Variants in LRRTM3 observed in about 807,000 individuals in gnomAD.
The protein encoded by LRRTM3 is leucine-rich repeat transmembrane neuronal protein 3.
A neutral mutation model predicts 44.7 loss-of-function variants in LRRTM3; 24 were observed. The ratio of observed to expected loss-of-function variants is 0.54; its 90% CI spans 0.39 to 0.76. LRRTM3 has a LOEUF of 0.76. Ranked by LOEUF, LRRTM3 falls within the 30% of genes least tolerant of loss-of-function variation. LRRTM3 has a pLI of 0.00. For synonymous variants in LRRTM3, 277 were observed against 278.7 expected (o/e 0.99, Z 0.06); for missense variants, 587 against 702.2 (o/e 0.84, Z 1.85).
chr10:67,077,709 T>G (rs1856809162), intron 2 of LRRTM3, among the ~76,000 whole-genome samples: 1 of 152,188 alleles, frequency 6.6e-6, no homozygotes, highest in Non-Finnish European at 1.5e-5. Context: ...TTGTTTAATG[T>G]GTATCCCCTT....
intron 2 of LRRTM3, among the ~76,000 whole-genome samples, chr10:67,035,963 CTTTTT>C (rs1027706976): frequency 6.6e-6 from 1 of 152,020 alleles, no homozygotes; most frequent in African/African-American, 2.4e-5. Flanking sequence ...TCTTGCTTTT[CTTTTT>C]TGACAAAAAC....
At chr10:67,051,998 G>A (rs147220518) in intron 2 of LRRTM3, among the ~76,000 whole-genome samples, 3,569 of 151,798 alleles carry the variant, frequency 0.024, 145 homozygotes, top group African/African-American at 0.08. Context: ...CAGGTGACCC[G>A]CCCACCTCAG....
chr10:67,042,716 G>T lies in LRRTM3; in HGVS notation c.1537-54871G>T, dbSNP rs575953090. ...AGGAAAAAAAAGAGGTGGTCAGCAA[G>T]TTTGATTGTCATAGAAAAAGAAGGA... is the stretch of plus-strand genomic sequence containing the variant. On this transcript the variant is annotated intron_variant, in intron 2 of 2. Transcript: ENST00000361320. Among the ~76,000 whole-genome samples, 5 of 152,190 alleles carry T rather than the reference G, an allele frequency of 3.3e-5. No homozygotes were observed. In the East Asian group the frequency reaches 9.7e-4, roughly 29 times the overall value.
chr10:67,009,457 C>T (rs1358877984), intron 2 of LRRTM3, among the ~76,000 whole-genome samples: 1 of 152,040 alleles, frequency 6.6e-6, no homozygotes, highest in African/African-American at 2.4e-5. Flanking sequence ...TCCTGATATA[C>T]ATAACCTCTT....
intron 2 of LRRTM3, among the ~76,000 whole-genome samples, chr10:66,944,956 T>C (rs1482414578): frequency 1.3e-5 from 2 of 152,168 alleles, no homozygotes; most frequent in South Asian, 2.1e-4. Context: ...TAAACACATG[T>C]GCTATCATAC....
At chr10:66,974,273 G>T (rs1196564297) in intron 2 of LRRTM3, among the ~76,000 whole-genome samples, 3 of 152,304 alleles carry the variant, frequency 2.0e-5, no homozygotes, top group African/African-American at 7.2e-5. Flanking sequence ...ACATAGGCTG[G>T]AGAATAAGTT....
chr10:67,024,401 C>A (rs116775059), intron 2 of LRRTM3, among the ~76,000 whole-genome samples: 203 of 152,338 alleles, frequency 1.3e-3, no homozygotes, highest in African/African-American at 4.7e-3. Context: ...AATCCAGTAT[C>A]ATTTCCCTAT....
chr10:66,976,923 G>T (rs538251871), intron 2 of LRRTM3, among the ~76,000 whole-genome samples: 1 of 152,178 alleles, frequency 6.6e-6, no homozygotes, highest in Non-Finnish European at 1.5e-5. Context: ...CTTATCATTT[G>T]GTTACTGAAA....
chr10:66,996,526 TAGTCCCAGCTAC>T (rs1346690210), intron 2 of LRRTM3, among the ~76,000 whole-genome samples: 1 of 151,694 alleles, frequency 6.6e-6, no homozygotes, highest in African/African-American at 2.4e-5. Context: ...CGCGTGCCTG[TAGTCCCAGCTAC>T]TCAGGAGGCT....
At chr10:66,947,492 C>A (rs1372872859) in intron 2 of LRRTM3, among the ~76,000 whole-genome samples, 1 of 152,098 alleles carries the variant, frequency 6.6e-6, no homozygotes, top group Non-Finnish European at 1.5e-5. Flanking sequence ...GTTATTTAAG[C>A]AACTGAGCCT....
intron 2 of LRRTM3, among the ~76,000 whole-genome samples, chr10:66,932,199 G>A (rs919874719): frequency 3.9e-5 from 6 of 152,148 alleles, no homozygotes; most frequent in African/African-American, 1.4e-4. Flanking sequence ...CATGGATAAT[G>A]AAATTATGCT....
intron 2 of LRRTM3, among the ~76,000 whole-genome samples, chr10:66,949,032 T>G (rs1848408576): frequency 1.3e-5 from 2 of 152,182 alleles, no homozygotes. Flanking sequence ...AAAAAGCATG[T>G]AATCTTGCAA....
chr10:67,039,289 C>G (rs1854256089), intron 2 of LRRTM3, among the ~76,000 whole-genome samples: 1 of 151,996 alleles, frequency 6.6e-6, no homozygotes, highest in Non-Finnish European at 1.5e-5. Context: ...GAATATTATA[C>G]CTTATGAAAT....
intron 2 of LRRTM3, among the ~76,000 whole-genome samples, chr10:67,053,392 T>A (rs1208930803): frequency 6.6e-6 from 1 of 152,168 alleles, no homozygotes. Flanking sequence ...TCTCTAGTAA[T>A]TCTTATTTTC....
At chr10:67,016,606 T>G (rs1179798328) in intron 2 of LRRTM3, among the ~76,000 whole-genome samples, 2 of 152,184 alleles carry the variant, frequency 1.3e-5, no homozygotes, top group Admixed American at 1.3e-4. Flanking sequence ...TTCTTATGTA[T>G]CACGCAGAAA....
At chr10:66,975,897 C>T (rs537923364) in intron 2 of LRRTM3, among the ~76,000 whole-genome samples, 71 of 152,228 alleles carry the variant, frequency 4.7e-4, no homozygotes, top group African/African-American at 1.6e-3. Context: ...ATATCAATAC[C>T]TCCTTATAGG....
At chr10:66,942,250 A>G (rs1237671029) in intron 2 of LRRTM3, among the ~76,000 whole-genome samples, 1 of 152,176 alleles carries the variant, frequency 6.6e-6, no homozygotes, top group Non-Finnish European at 1.5e-5. Context: ...AAACACATAA[A>G]TTGCCAAGTC....
intron 2 of LRRTM3, among the ~76,000 whole-genome samples, chr10:67,096,762 G>T (rs188845233): frequency 6.6e-6 from 1 of 151,800 alleles, no homozygotes; most frequent in Admixed American, 6.6e-5. Flanking sequence ...TTCTTTAGTT[G>T]GCAAGGGAGT....
At chr10:66,999,267 T>C (rs16923915) in intron 2 of LRRTM3, among the ~76,000 whole-genome samples, 2,569 of 152,228 alleles carry the variant, frequency 0.017, 81 homozygotes, top group African/African-American at 0.059. Context: ...TGTGACTGAA[T>C]AAAAATGTAA....
Sources: allele counts gnomAD v4.1 joint callset (sites outside exome capture counted in the v4.1 genomes callset), GRCh38; gene constraint gnomAD v4.1.1; transcripts MANE v1.5; gene names NCBI Gene and HGNC (gene_info 2026-07-23, HGNC 2026-07-21).